Variants in CCDC158 observed in about 807,000 individuals in gnomAD.
The protein encoded by CCDC158 is coiled-coil domain containing 158.
In CCDC158, 116 loss-of-function variants were observed where a neutral mutation model predicts 138.6. The observed-to-expected ratio is 0.84, with a 90% confidence interval of 0.72 to 0.98. The LOEUF is 0.98. Among genes scored for constraint, CCDC158 ranks in the 50% least tolerant of loss-of-function variants. CCDC158 has a pLI of 0.00. For missense variants in CCDC158, 1,265 were observed against 1,306.1 expected, an observed-to-expected ratio of 0.97 and a Z score of 0.48; for synonymous variants, 436 against 442.4, an observed-to-expected ratio of 0.99 and a Z score of 0.18.
At chr4:76,420,085 CAAGT>C (rs1212161293) in intron 1 of CCDC158, among the ~76,000 whole-genome samples, 1 of 151,762 alleles carries the variant, frequency 6.6e-6, no homozygotes, top group Non-Finnish European at 1.5e-5. Flanking sequence ...ACCCACAACA[CAAGT>C]AAGATAACCG....
intron 20 of CCDC158, 132 bp downstream of exon 20, chr4:76,332,300 A>G (rs1721075662): frequency 3.1e-6 from 2 of 648,256 alleles, no homozygotes; most frequent in Non-Finnish European, 5.3e-6. Context: ...TCTTAAAGTC[A>G]GTTAAACAAC....
chr4:76,335,496 A>G (rs1721396052), intron 18 of CCDC158, among the ~76,000 whole-genome samples: 3 of 152,216 alleles, frequency 2.0e-5, no homozygotes, highest in Non-Finnish European at 2.9e-5. Context: ...CCATAAACAT[A>G]TATAAATATG....
chr4:76,401,640 T>C, intron 3 of CCDC158: 1 of 160,838 alleles, frequency 6.2e-6, no homozygotes, highest in South Asian at 1.8e-4. Flanking sequence ...AGACAGGAGG[T>C]TGAATTTCAG....
chr4:76,324,950 T>C (rs1465103983), intron 23 of CCDC158, among the ~76,000 whole-genome samples: 3 of 152,208 alleles, frequency 2.0e-5, no homozygotes, highest in African/African-American at 4.8e-5. Context: ...CCCTATTAAA[T>C]GTTTCTTTCT....
intron 2 of CCDC158, among the ~76,000 whole-genome samples, chr4:76,411,817 A>ATCT (rs111873025): frequency 0.029 from 4,454 of 152,248 alleles, 219 homozygotes; most frequent in African/African-American, 0.1. Flanking sequence ...GTTTCTTTAA[A>ATCT]TCTAAGCGCC....
At chr4:76,319,961 GAAAT>G (rs1719850696) in intron 24 of CCDC158, among the ~76,000 whole-genome samples, 1 of 152,126 alleles carries the variant, frequency 6.6e-6, no homozygotes, top group African/African-American at 2.4e-5. Flanking sequence ...ACGAGAGAAA[GAAAT>G]AAAGGGCATC....
chr4:76,395,012 G>C (rs997015812), intron 4 of CCDC158, among the ~76,000 whole-genome samples: 6 of 152,000 alleles, frequency 3.9e-5, no homozygotes, highest in Non-Finnish European at 5.9e-5. Context: ...AAGGAAAAAG[G>C]CAATTAGGAA....
chr4:76,348,548 A>C (rs1459441814), intron 18 of CCDC158, among the ~76,000 whole-genome samples: 2 of 152,134 alleles, frequency 1.3e-5, no homozygotes, highest in Non-Finnish European at 2.9e-5. Flanking sequence ...CAACATATGA[A>C]TCTAAGGGAA....
In CCDC158 at chr4:76,396,458, A is replaced by T; in HGVS notation, c.99T>A (p.Ser33=). Residue 33 remains serine, a synonymous_variant, in exon 4 of 25, where the codon TCT becomes TCA. Coordinates refer to ENST00000682701, the MANE Select transcript of CCDC158 (RefSeq NM_001394954.1). The stretch of plus-strand genomic sequence containing the variant: ...TGTTTTCAATTATTGTACCACGAAT[A>T]GATGACACAAAAAATGAACTTGAAG... ...GGSSSSFFVS[S]IRGTIIENTS... 6.2e-7 allele frequency: 1 copy of T among 1,608,314 alleles called. No homozygotes were observed.
chr4:76,323,413 T>C lies in CCDC158; in HGVS notation c.3170-4A>G, dbSNP rs375659396. 1.1e-4 allele frequency: 173 copies of C among 1,603,034 alleles called. No homozygotes were observed. Among genetic ancestry groups the C allele is most frequent in the Non-Finnish European group, 1.4e-4 (165 of 1,173,472 alleles). ...TCTATTGGCGGAGACTGTGAATCTA[T>C]TAGAAAATTGCTTAGATGTGATATT... On this transcript the variant is annotated splice_region_variant and splice_polypyrimidine_tract_variant and intron_variant, in intron 23 of 24. Transcript: ENST00000682701.
In CCDC158 at chr4:76,382,695, C is replaced by T. The variant is rs769352335; in HGVS notation, c.829G>A (p.Glu277Lys). The change falls in exon 8 of 25, where the codon GAA (glutamate) becomes AAA (lysine). Residue 277 changes from glutamate (E) to lysine (K), a missense_variant. Transcript: ENST00000682701. ...DRIEQLISEH[E>K]VEITGLTEKA... ...TCAGTAAGTCCTGTTATTTCAACTT[C>T]ATGTTCACTTATTAACTGCTCAATC... The T allele has an allele frequency of 6.2e-7, 1 of 1,612,878 alleles. No individual in the cohort carries two copies. The highest frequency in any genetic ancestry group is 2.2e-5 in the East Asian group (1 of 44,812).
At chr4:76,403,315 G>A in intron 2 of CCDC158, 35 bp from the exon 3 acceptor site, 6 of 649,540 alleles carry the variant, frequency 9.2e-6, no homozygotes, top group African/African-American at 1.9e-5. Context: ...TTATTAACAA[G>A]GTACTATGTG....
chr4:76,368,469 TG>T (rs1724905687), intron 11 of CCDC158, among the ~76,000 whole-genome samples: 8 of 152,210 alleles, frequency 5.3e-5, no homozygotes, highest in Admixed American at 5.2e-4. Flanking sequence ...TGGCTTTGCC[TG>T]GGTCTAAGCC....
chr4:76,339,635 A>G (rs1218116035), intron 18 of CCDC158, among the ~76,000 whole-genome samples: 1 of 152,262 alleles, frequency 6.6e-6, no homozygotes, highest in Non-Finnish European at 1.5e-5. Context: ...GAATGTTTAC[A>G]TATCAGGGAA....
intron 2 of CCDC158, among the ~76,000 whole-genome samples, chr4:76,409,004 T>C (rs1729073649): frequency 6.6e-6 from 1 of 152,218 alleles, no homozygotes; most frequent in Non-Finnish European, 1.5e-5. Context: ...TGTCTGTTCA[T>C]ATCCTTTGCC....
intron 17 of CCDC158, 30 bp downstream of exon 17, chr4:76,351,690 C>A (rs368831343): frequency 7.5e-7 from 1 of 1,328,954 alleles, no homozygotes. Context: ...GCATTATTTT[C>A]GCTTAAACTA....
intron 4 of CCDC158, 111 bp downstream of exon 4, chr4:76,396,158 A>G (rs1044105319): frequency 1.8e-5 from 12 of 658,572 alleles, no homozygotes; most frequent in Non-Finnish European, 3.0e-5. Context: ...CAATAAACCC[A>G]TTTGTTAGTT....
At chr4:76,359,606 C>T (rs2110205390) in intron 13 of CCDC158, among the ~76,000 whole-genome samples, 1 of 152,294 alleles carries the variant, frequency 6.6e-6, no homozygotes, top group Admixed American at 6.5e-5. Context: ...CATTGTGCCC[C>T]TGCTCTAGGA....
chr4:76,421,142 G>T (rs2109947808), upstream of CCDC158, among the ~76,000 whole-genome samples: 1 of 152,106 alleles, frequency 6.6e-6, no homozygotes, highest in African/African-American at 2.4e-5. Flanking sequence ...GCCGGAAGCT[G>T]CCCGCGCCCG....
Sources: allele counts gnomAD v4.1 joint callset (sites outside exome capture counted in the v4.1 genomes callset), GRCh38; gene constraint gnomAD v4.1.1; transcripts MANE v1.5; gene names NCBI Gene and HGNC (gene_info 2026-07-23, HGNC 2026-07-21).